Variants in NIPA1 observed in about 807,000 individuals in gnomAD.
NIPA1 encodes magnesium transporter NIPA1.
NIPA1 carries 13 observed loss-of-function variants against 23.9 expected under a neutral mutation model. The observed-to-expected ratio is 0.54, with a 90% CI of 0.35 to 0.87. The LOEUF (loss-of-function observed/expected upper bound fraction) is 0.87, where lower values mean the gene tolerates loss of function less well. Among genes scored for constraint, NIPA1 ranks in the 40% least tolerant of loss-of-function variants. The pLI, the probability that NIPA1 is intolerant of heterozygous loss-of-function variation, is 0.01. For synonymous variants in NIPA1, 234 were observed against 202.9 expected (o/e 1.15, Z -1.30); for missense variants, 362 against 429.7 (o/e 0.84, Z 1.39).
At chr15:22,813,109 A>G (rs1251210941) in intron 3 of NIPA1, among the ~76,000 whole-genome samples, 1 of 150,882 alleles carries the variant, frequency 6.6e-6, no homozygotes, top group African/African-American at 2.4e-5. Flanking sequence ...GAGACGAGTG[A>G]GGGGGACCTT....
chr15:22,797,878 T>C (rs913649374), intron 1 of NIPA1, among the ~76,000 whole-genome samples: 1 of 149,060 alleles, frequency 6.7e-6, no homozygotes, highest in Non-Finnish European at 1.5e-5. Flanking sequence ...GGAGTCTTGC[T>C]CTGTCACCCA....
At chr15:22,810,230 A>G (rs1895292568) in intron 1 of NIPA1, among the ~76,000 whole-genome samples, 1 of 152,194 alleles carries the variant, frequency 6.6e-6, no homozygotes. Context: ...GTCTCAGGTC[A>G]AATGTCAGAG....
rs1468703451 is a variant in NIPA1 at position 22,824,396 on chromosome 15, C to A, written c.*157C>A. The A allele has an allele frequency of 2.7e-6, 2 of 730,492 alleles. No individual in the cohort carries two copies. Among genetic ancestry groups the A allele is most frequent in the Admixed American group, 4.1e-5 (2 of 48,890 alleles). The allele number at this position is 730,492 out of a possible 1,614,324, so 45.3% of individuals were successfully genotyped here. On this transcript the variant is annotated 3_prime_UTR_variant, in exon 5 of 5. Transcript: ENST00000337435. The surrounding 1 kb of genome is among the most constrained non-coding windows in gnomAD (Gnocchi z 4.1). ...GATAGCGGGGAGCATGGCTCAGCAC[C>A]AGAGCAGAGGCCCAGCCAGCCCTCT...
At chr15:22,817,499 CAAAAA>C (rs60309093) in intron 3 of NIPA1, among the ~76,000 whole-genome samples, 1 of 123,020 alleles carries the variant, frequency 8.1e-6, no homozygotes, top group Non-Finnish European at 1.7e-5. Context: ...AACTCCGTCT[CAAAAA>C]AAAAAAAAAA....
At chr15:22,795,970 C>T (rs560600259) in intron 1 of NIPA1, among the ~76,000 whole-genome samples, 3 of 152,100 alleles carry the variant, frequency 2.0e-5, no homozygotes, top group South Asian at 4.1e-4. Flanking sequence ...CTTTTTCCGT[C>T]GCCCAGGCTG....
intron 3 of NIPA1, among the ~76,000 whole-genome samples, chr15:22,818,393 G>A (rs969525619): frequency 1.3e-5 from 2 of 151,582 alleles, no homozygotes; most frequent in Non-Finnish European, 2.9e-5. Flanking sequence ...CCGAGATTGC[G>A]CCATTGCACT....
intron 4 of NIPA1, among the ~76,000 whole-genome samples, chr15:22,822,400 C>G (rs1358643105): frequency 1.3e-5 from 2 of 152,072 alleles, no homozygotes; most frequent in African/African-American, 4.8e-5. Context: ...GATGCAGCCC[C>G]CAATCATTGC....
rs60183245 is a variant in NIPA1 at position 22,812,652 on chromosome 15, T to TA, written c.317+411dup. 7.5e-4 allele frequency among the ~76,000 whole-genome samples: 110 copies of TA among 146,366 alleles called. No homozygotes were observed. In the Middle Eastern group the frequency reaches 0.021, roughly 28 times the overall value. On this transcript the variant is annotated intron_variant, in intron 3 of 4. Transcript: ENST00000337435. ...TGGGAGACAGAGCGAGACTCTGCCT[T>TA]AAAAAAAAAAAAGAAGATAGATCTT...
chr15:22,824,260 G>A lies in NIPA1; in HGVS notation c.*21G>A. The A allele has an allele frequency of 1.2e-6, 2 of 1,605,740 alleles. No individual in the cohort carries two copies. Among genetic ancestry groups the A allele is most frequent in the South Asian group, 1.1e-5 (1 of 90,762 alleles). ...ACTAGATTGCAATAGGAGCTTGGATGGTTCGAGGAATAGGCATTGGAGGTG... is the reference window on the plus strand; with the variant it reads ...ACTAGATTGCAATAGGAGCTTGGATAGTTCGAGGAATAGGCATTGGAGGTG... On this transcript the variant is annotated 3_prime_UTR_variant, in exon 5 of 5. Transcript: ENST00000337435. This position sits in a 1 kb window ranked among gnomAD's most constrained non-coding sequence, Gnocchi z 4.1.
intron 3 of NIPA1, chr15:22,813,540 T>G: frequency 4.6e-6 from 2 of 432,684 alleles, no homozygotes; most frequent in Middle Eastern, 7.0e-4. Flanking sequence ...TGATTTGTCT[T>G]TGAAGAAATC....
intron 1 of NIPA1, among the ~76,000 whole-genome samples, chr15:22,808,282 T>G (rs1364683402): frequency 1.3e-5 from 2 of 152,234 alleles, no homozygotes; most frequent in Non-Finnish European, 2.9e-5. Flanking sequence ...TCTCCTACAG[T>G]GCCCACCATG....
rs1895636375 is a variant in NIPA1, at chr15:22,825,680, TA to T, written c.*1442del. On this transcript the variant is annotated 3_prime_UTR_variant, in exon 5 of 5. Transcript: ENST00000337435. ...ACAAGTTAAAGGACACAATTGAGGT[TA>T]GGCTAGCTTCTACAAATTGCAATAT... 1.3e-5 allele frequency: 2 copies of T among 152,314 alleles called. No individual in the cohort carries two copies. Among genetic ancestry groups the T allele is most frequent in the South Asian group, 4.1e-4 (2 of 4,836 alleles). 9.4% of individuals were successfully genotyped at this position (152,314 alleles called of 1,614,324 possible).
At chr15:22,800,060 G>T (rs140248885) in intron 1 of NIPA1, among the ~76,000 whole-genome samples, 6 of 151,956 alleles carry the variant, frequency 3.9e-5, no homozygotes, top group African/African-American at 1.4e-4. Flanking sequence ...TTACCTGTTG[G>T]GTACTATGTG....
In NIPA1 at chr15:22,825,034, A is replaced by AAGG. The variant is rs1255441056; in HGVS notation, c.*795_*796insAGG. The AAGG allele has an allele frequency of 6.6e-6, 1 of 152,596 alleles. No individual in the cohort carries two copies. The highest frequency in any genetic ancestry group is 1.5e-5 in the Non-Finnish European group (1 of 68,044). 9.5% of individuals were successfully genotyped at this position (152,596 alleles called of 1,614,324 possible). On this transcript the variant is annotated 3_prime_UTR_variant, in exon 5 of 5. Coordinates refer to ENST00000337435, the MANE Select transcript of NIPA1 (RefSeq NM_144599.5). ...AATGTATAAGGCAGTTAGAAATAAT[A>AAGG]CAGTCACATGTCACTTAATGATAGG...
chr15:22,796,794 G>C (rs1483063208), intron 1 of NIPA1, among the ~76,000 whole-genome samples: 1 of 152,134 alleles, frequency 6.6e-6, no homozygotes, highest in Non-Finnish European at 1.5e-5. Context: ...CCATGTCCCC[G>C]ACCCATGCAG....
chr15:22,788,016 C>G (rs1422553223), intron 1 of NIPA1, among the ~76,000 whole-genome samples: 6 of 152,250 alleles, frequency 3.9e-5, no homozygotes, highest in Admixed American at 3.9e-4. Context: ...GTGTCTGTCT[C>G]TAAGGCACAC....
chr15:22,824,351 T>G lies in NIPA1; in HGVS notation c.*112T>G. The G allele has an allele frequency of 1.0e-6, 1 of 972,062 alleles. No individual in the cohort carries two copies. Among genetic ancestry groups the G allele is most frequent in the Non-Finnish European group, 1.6e-6 (1 of 607,580 alleles). The allele number at this position is 972,062 out of a possible 1,614,324, so 60.2% of individuals were successfully genotyped here. On this transcript the variant is annotated 3_prime_UTR_variant, in exon 5 of 5. Coordinates refer to ENST00000337435, the MANE Select transcript of NIPA1 (RefSeq NM_144599.5). This position sits in a 1 kb window ranked among gnomAD's most constrained non-coding sequence, Gnocchi z 4.1. Reference sequence around the variant, plus strand: ...GATCATGGTGTTAGAATTGACTGGATAGTAACAGGTGGTCTGGTGGATAGC... The same window carrying G: ...GATCATGGTGTTAGAATTGACTGGAGAGTAACAGGTGGTCTGGTGGATAGC...
rs1003701595 is a variant in NIPA1 at position 22,806,010 on chromosome 15, G to A, written c.179-4739G>A. Among the ~76,000 whole-genome samples, 5 of 151,912 alleles carry A rather than the reference G, an allele frequency of 3.3e-5. 1 individual carries two copies. Among genetic ancestry groups the A allele is most frequent in the Admixed American group, 2.0e-4 (3 of 15,242 alleles). ...GCGATCTCGGCTCACTGCAAGCTCC[G>A]CCTTCTGGGTTCACACCATTCTCCT... On this transcript the variant is annotated intron_variant, in intron 1 of 4. Coordinates refer to ENST00000337435, the MANE Select transcript of NIPA1 (RefSeq NM_144599.5).
At chr15:22,813,800 G>A (rs1013949909) in intron 3 of NIPA1, 2 of 416,998 alleles carry the variant, frequency 4.8e-6, no homozygotes, top group Non-Finnish European at 9.7e-6. Context: ...CACATACACT[G>A]CTATCATGTG....
Sources: gnomAD v4.1 joint callset for allele counts (sites outside exome capture counted in the v4.1 genomes callset) on GRCh38, gnomAD v4.1.1 for gene constraint, Gnocchi (gnomAD v3.1) non-coding constraint, MANE v1.5 for transcripts, NCBI Gene and HGNC (gene_info 2026-07-23, HGNC 2026-07-21) for gene names.